Variants in ARID1B observed in about 807,000 individuals in gnomAD.
ARID1B encodes the protein AT-rich interactive domain-containing protein 1B.
Under a neutral mutation model 212.3 loss-of-function variants are expected in ARID1B, and 30 were observed. That is an observed-to-expected ratio of 0.14 (90% CI 0.11 to 0.19). ARID1B has a LOEUF of 0.19. Ranked by LOEUF, ARID1B falls within the 10% of genes least tolerant of loss-of-function variation. The probability of loss-of-function intolerance (pLI) is 1.00; values close to 1 mark genes in which losing one functional copy is unlikely to be tolerated. For missense variants in ARID1B, 2,891 were observed against 3,204.0 expected, an observed-to-expected ratio of 0.90 and a Z score of 2.36; for synonymous variants, 1,402 against 1,301.7, an observed-to-expected ratio of 1.08 and a Z score of -1.66.
At chr6:156,794,507 TGGCCTGGGA>T (rs1352756087) in intron 1 of ARID1B, among the ~76,000 whole-genome samples, 4 of 151,576 alleles carry the variant, frequency 2.6e-5, no homozygotes, top group South Asian at 2.1e-4. Flanking sequence ...CCTCCTGCCT[TGGCCTGGGA>T]GGCCTGGGAG....
chr6:156,801,265 A>G (rs1407817967), intron 1 of ARID1B, among the ~76,000 whole-genome samples: 2 of 146,284 alleles, frequency 1.4e-5, no homozygotes, highest in African/African-American at 2.6e-5. Flanking sequence ...CAGTGGTGCA[A>G]TCTCGGCTCA....
chr6:157,075,248 C>T (rs750992791), intron 4 of ARID1B, among the ~76,000 whole-genome samples: 3 of 152,008 alleles, frequency 2.0e-5, no homozygotes, highest in Non-Finnish European at 2.9e-5. Context: ...TTGACTTTTG[C>T]GGGAGTACTG....
chr6:157,044,071 G>T (rs142022247), intron 4 of ARID1B, among the ~76,000 whole-genome samples: 1 of 152,302 alleles, frequency 6.6e-6, no homozygotes, highest in Non-Finnish European at 1.5e-5. Context: ...TCTTATGTCA[G>T]AGAAAAATCC....
At chr6:157,140,855 T>G (rs1236724264) in intron 7 of ARID1B, 5 of 392,842 alleles carry the variant, frequency 1.3e-5, no homozygotes, top group Non-Finnish European at 2.2e-5. Flanking sequence ...CCCTCAGCAC[T>G]CTGCAGAGTC....
Position 156,935,492 on chromosome 6 carries a change from T to G in ARID1B, c.2163T>G (p.Thr721=). 1 of 1,613,816 alleles carries G rather than the reference T, an allele frequency of 6.2e-7. No individual in the cohort carries two copies. The highest frequency in any genetic ancestry group is 1.1e-5 in the South Asian group (1 of 91,072). Residue 721 remains threonine, a synonymous_variant, in exon 4 of 20, where the codon ACT becomes ACG. Coordinates refer to ENST00000636930, the MANE Select transcript of ARID1B (RefSeq NM_001374828.1). Reference sequence around the variant, plus strand: ...ACATGTCTCAGGAAGGCTATGGAACTAGATCTCAACCTCCTCTGGCCCCCG... The same window carrying G: ...ACATGTCTCAGGAAGGCTATGGAACGAGATCTCAACCTCCTCTGGCCCCCG... The part of the protein sequence containing the change: ...QQDMSQEGYG[T]RSQPPLAPGK...
At chr6:156,998,211 TC>T (rs1778709098) in intron 4 of ARID1B, among the ~76,000 whole-genome samples, 1 of 133,578 alleles carries the variant, frequency 7.5e-6, no homozygotes, top group Non-Finnish European at 1.6e-5. Flanking sequence ...GATCTCTCTC[TC>T]TTTTTTTTTT....
intron 3 of ARID1B, among the ~76,000 whole-genome samples, chr6:156,914,002 GCCCTT>G (rs1342411617): frequency 3.4e-4 from 42 of 121,790 alleles, no homozygotes; most frequent in African/African-American, 1.2e-3. Context: ...CCAACTCCCA[GCCCTT>G]CCCAGCCCGT....
chr6:157,144,246 A>G (rs1471755899), intron 7 of ARID1B, among the ~76,000 whole-genome samples: 2 of 152,262 alleles, frequency 1.3e-5, no homozygotes, highest in African/African-American at 4.8e-5. Context: ...CATTCCAGCT[A>G]TAAGCAGAAT....
At chr6:156,792,801 G>T (rs1780099072) in intron 1 of ARID1B, among the ~76,000 whole-genome samples, 1 of 152,166 alleles carries the variant, frequency 6.6e-6, no homozygotes, top group African/African-American at 2.4e-5. Flanking sequence ...AGGCGCTGTG[G>T]GAGCTGTCAT....
At chr6:157,149,311 A>G (rs1366002190) in intron 8 of ARID1B, 2 of 229,208 alleles carry the variant, frequency 8.7e-6, no homozygotes, top group Non-Finnish European at 1.8e-5. Context: ...ACGCTTAGGA[A>G]CGATTTAAAA....
At chr6:156,959,007 A>C (rs1329467763) in intron 4 of ARID1B, among the ~76,000 whole-genome samples, 7 of 152,344 alleles carry the variant, frequency 4.6e-5, no homozygotes, top group Non-Finnish European at 1.0e-4. Context: ...AACCCCAAAG[A>C]CTATTTAATT....
chr6:156,902,716 A>G (rs1031555912), intron 3 of ARID1B, among the ~76,000 whole-genome samples: 2 of 146,600 alleles, frequency 1.4e-5, no homozygotes, highest in East Asian at 4.0e-4. Context: ...CAGCCTTGCA[A>G]CAGAGTGAGA....
chr6:156,940,679 CACTT>C (rs1357502407), intron 4 of ARID1B: 4 of 152,208 alleles, frequency 2.6e-5, no homozygotes, highest in African/African-American at 4.8e-5. Context: ...TCTTTAATGA[CACTT>C]ACGTTGGTTA....
At chr6:157,016,141 G>A (rs1779907315) in intron 4 of ARID1B, among the ~76,000 whole-genome samples, 1 of 152,128 alleles carries the variant, frequency 6.6e-6, no homozygotes, top group South Asian at 2.1e-4. Flanking sequence ...TGCATTATTA[G>A]AAACATTTCA....
intron 5 of ARID1B, among the ~76,000 whole-genome samples, chr6:157,089,163 A>G (rs558935648): frequency 6.6e-6 from 1 of 152,278 alleles, no homozygotes; most frequent in African/African-American, 2.4e-5. Flanking sequence ...GTTGCAGGGG[A>G]TTCTTCCTGA....
intron 3 of ARID1B, among the ~76,000 whole-genome samples, chr6:156,927,651 A>T (rs894094224): frequency 6.6e-6 from 1 of 152,246 alleles, no homozygotes; most frequent in Admixed American, 6.5e-5. Flanking sequence ...TCTGTAGCAC[A>T]TTTACCAGGC....
At chr6:157,192,434 G>C (rs1793445676) in intron 15 of ARID1B, among the ~76,000 whole-genome samples, 1 of 152,102 alleles carries the variant, frequency 6.6e-6, no homozygotes, top group Non-Finnish European at 1.5e-5. Flanking sequence ...ACCTTGCTAG[G>C]CCCTAGGTAG....
intron 4 of ARID1B, among the ~76,000 whole-genome samples, chr6:157,049,732 G>A (rs190348773): frequency 1.3e-5 from 2 of 151,722 alleles, no homozygotes; most frequent in East Asian, 3.9e-4. Context: ...TAAATATCAC[G>A]GTAAAATCAA....
intron 4 of ARID1B, among the ~76,000 whole-genome samples, chr6:156,996,664 G>C (rs995327459): frequency 6.6e-6 from 1 of 152,046 alleles, no homozygotes; most frequent in East Asian, 1.9e-4. Context: ...GCTGCATTTT[G>C]GGTTTTTTTG....
Sources: gnomAD v4.1 joint callset for allele counts (sites outside exome capture counted in the v4.1 genomes callset) on GRCh38, gnomAD v4.1.1 for gene constraint, MANE v1.5 for transcripts, NCBI Gene and HGNC (gene_info 2026-07-23, HGNC 2026-07-21) for gene names.